The following C19orf44 variants were observed in gnomAD, a reference collection of about 807,000 sequenced individuals.
C19orf44 encodes the protein chromosome 19 open reading frame 44, also known as uncharacterized protein C19orf44.
In C19orf44, 43 loss-of-function variants were observed where a neutral mutation model predicts 50.7. The observed-to-expected ratio is 0.85, with a 90% CI of 0.66 to 1.09. C19orf44 has a LOEUF of 1.09. Among genes scored for constraint, C19orf44 ranks in the 50% least tolerant of loss-of-function variants. The pLI is 0.00. For synonymous variants in C19orf44, 298 were observed against 334.7 expected, an observed-to-expected ratio of 0.89 and a Z score of 1.20; for missense variants, 722 against 836.2, an observed-to-expected ratio of 0.86 and a Z score of 1.68.
chr19:16,521,225 AG>A lies in C19orf44; in HGVS notation c.*1174del. On this transcript the variant is annotated 3_prime_UTR_variant, in exon 9 of 9. Coordinates refer to ENST00000221671, the MANE Select transcript of C19orf44 (RefSeq NM_032207.4). ...GACAGGCCTGCAGCCCAGCACAGGA[AG>A]GAGGGGTGACCACTGGGAAGGGTGG... The A allele has an allele frequency of 1.7e-6, 1 of 571,684 alleles. No individual in the cohort carries two copies. Among genetic ancestry groups the A allele is most frequent in the Non-Finnish European group, 3.1e-6 (1 of 320,126 alleles). The allele number at this position is 571,684 out of a possible 1,614,324, so 35.4% of individuals were successfully genotyped here.
At chr19:16,511,569 ATTATT>A (rs2093457395) in intron 5 of C19orf44, among the ~76,000 whole-genome samples, 2 of 151,774 alleles carry the variant, frequency 1.3e-5, no homozygotes, top group African/African-American at 2.4e-5. Context: ...TTCCCATGTT[ATTATT>A]TTATTTTATA....
chr19:16,521,179 A>G lies in C19orf44; in HGVS notation c.*1126A>G, dbSNP rs1294856948. ...CCCATGGTCTGTGGAACTGGGAAAC[A>G]GGAACACTGACTCATGGGTGGACAG... On this transcript the variant is annotated 3_prime_UTR_variant, in exon 9 of 9. Transcript: ENST00000221671. The G allele has an allele frequency of 2.2e-5, 13 of 582,874 alleles. No homozygotes were observed. Among genetic ancestry groups the G allele is most frequent in the Non-Finnish European group, 3.7e-5 (12 of 325,792 alleles). 36.1% of individuals were successfully genotyped at this position (582,874 alleles called of 1,614,324 possible).
intron 1 of C19orf44, among the ~76,000 whole-genome samples, chr19:16,497,641 G>A (rs1471775710): frequency 1.3e-5 from 2 of 152,104 alleles, no homozygotes; most frequent in African/African-American, 2.4e-5. Context: ...GAGCCACTGC[G>A]CCCGGCTTGG....
At chr19:16,510,443 C>T (rs1008984018) in intron 5 of C19orf44, among the ~76,000 whole-genome samples, 3 of 152,108 alleles carry the variant, frequency 2.0e-5, no homozygotes, top group African/African-American at 7.2e-5. Flanking sequence ...TCACCATTTC[C>T]TCTTCCATGG....
chr19:16,511,730 G>A (rs2093457810), intron 5 of C19orf44, among the ~76,000 whole-genome samples: 1 of 152,002 alleles, frequency 6.6e-6, no homozygotes, highest in African/African-American at 2.4e-5. Context: ...AGAGGCGCCT[G>A]GCTAATAAAC....
intron 6 of C19orf44, among the ~76,000 whole-genome samples, chr19:16,514,169 T>A (rs1380258419): frequency 6.6e-6 from 1 of 151,670 alleles, no homozygotes; most frequent in African/African-American, 2.4e-5. Context: ...TTTTTTTGTT[T>A]TTTTAGTAGA....
chr19:16,504,632 A>G (rs76383510), intron 3 of C19orf44, among the ~76,000 whole-genome samples: 18,869 of 150,182 alleles, frequency 0.13, 1,235 homozygotes, highest in Non-Finnish European at 0.14. Context: ...TGTTTTTTTG[A>G]GATGTTGCCC....
chr19:16,498,697 GTC>G (rs1322694206), intron 1 of C19orf44, among the ~76,000 whole-genome samples: 1 of 151,470 alleles, frequency 6.6e-6, no homozygotes, highest in Non-Finnish European at 1.5e-5. Context: ...TTGAGACGGA[GTC>G]TCTCTCTTTT....
At position 16,500,703 on chromosome 19, in the gene C19orf44, CA is replaced by C. The variant is rs2093422629; in HGVS notation, c.-1-88del. ...AAGACTGTGGCTGGGTTGCAAAAGA[CA>C]GTGTGAGCTTTTGCCAAGTAGGAGC... On this transcript the variant is annotated intron_variant, in intron 1 of 8. Coordinates refer to ENST00000221671, the MANE Select transcript of C19orf44 (RefSeq NM_032207.4). 5 of 1,305,752 alleles carry C rather than the reference CA, an allele frequency of 3.8e-6. No homozygotes were observed. In the Admixed American group the frequency reaches 1.2e-4, roughly 31 times the overall value. The allele number at this position is 1,305,752 out of a possible 1,614,324, so 80.9% of individuals were successfully genotyped here.
intron 8 of C19orf44, chr19:16,518,508 G>A (rs1273805993): frequency 6.6e-6 from 1 of 152,198 alleles, no homozygotes; most frequent in African/African-American, 2.4e-5. Context: ...GTACGCCTTC[G>A]AAGAATTAGG....
rs2122237786 is a variant in C19orf44, at chr19:16,519,538, C to T, written c.*41-556C>T. 1 of 1,360,810 alleles carries T rather than the reference C, an allele frequency of 7.3e-7. No individual in the cohort carries two copies. Among genetic ancestry groups the T allele is most frequent in the Non-Finnish European group, 1.0e-6 (1 of 953,554 alleles). 84.3% of individuals were successfully genotyped at this position (1,360,810 alleles called of 1,614,324 possible). A position where few individuals can be genotyped will look rare whatever the true frequency, so the allele number is the denominator to read the frequency against. On this transcript the variant is annotated intron_variant, in intron 8 of 8. Coordinates refer to ENST00000221671, the MANE Select transcript of C19orf44 (RefSeq NM_032207.4). This position sits in a 1 kb window ranked among gnomAD's most constrained non-coding sequence, Gnocchi z 6.0. ...CTGACTCCATCCATCCCCACATGCACTGAGGAAGAGAAAGCGCTGGTGACT... is the reference window on the plus strand; with the variant it reads ...CTGACTCCATCCATCCCCACATGCATTGAGGAAGAGAAAGCGCTGGTGACT...
Position 16,503,279 on chromosome 19 carries a change from CTT to C in C19orf44, c.976_977del (p.Leu326LysfsTer15), listed in dbSNP as rs756739412. 2.6e-5 allele frequency: 42 copies of C among 1,614,162 alleles called. No individual in the cohort carries two copies. The East Asian group carries it at 9.1e-4, about 35-fold the overall frequency. On this transcript the variant is annotated frameshift_variant, in exon 3 of 9. Transcript: ENST00000221671. LOFTEE classifies it high-confidence loss of function. The stretch of plus-strand genomic sequence containing the variant: ...ACAGGCGCCTTTTCAAACTCAGTGT[CTT>C]TAAAGATGGGGCATGTCAAGCTTGT...
At chr19:16,516,375 G>A (rs2093471858) in intron 7 of C19orf44, among the ~76,000 whole-genome samples, 1 of 152,128 alleles carries the variant, frequency 6.6e-6, no homozygotes, top group African/African-American at 2.4e-5. Context: ...AGCTGGGGAG[G>A]TTGAGGCTGT....
chr19:16,512,613 A>C (rs2093460751), intron 5 of C19orf44, among the ~76,000 whole-genome samples: 1 of 151,986 alleles, frequency 6.6e-6, no homozygotes. Flanking sequence ...GGTGGCTTAC[A>C]CCTCAGCACT....
At chr19:16,499,300 T>C (rs1314244857) in intron 1 of C19orf44, among the ~76,000 whole-genome samples, 1 of 152,076 alleles carries the variant, frequency 6.6e-6, no homozygotes, top group Non-Finnish European at 1.5e-5. Context: ...TTTTTCTTTT[T>C]TTTTGAGACG....
intron 5 of C19orf44, chr19:16,510,265 G>C: frequency 7.4e-6 from 3 of 405,470 alleles, no homozygotes; most frequent in Non-Finnish European, 1.4e-5. Flanking sequence ...AAATTAGCTG[G>C]CTGTGGTGGT....
Position 16,520,402 on chromosome 19 carries a change from C to CGACCTT in C19orf44, c.*358_*363dup, listed in dbSNP as rs2085600389. On this transcript the variant is annotated 3_prime_UTR_variant, in exon 9 of 9. Coordinates refer to ENST00000221671, the MANE Select transcript of C19orf44 (RefSeq NM_032207.4). The surrounding 1 kb of genome is among the most constrained non-coding windows in gnomAD (Gnocchi z 4.0). ...GGGAGTAGGAACGGGAGCAGGAGCG[C>CGACCTT]GACCTTGACCTTGAGTACGAGCCTG... is the stretch of plus-strand genomic sequence containing the variant. 2.5e-6 allele frequency: 4 copies of CGACCTT among 1,613,916 alleles called. No homozygotes were observed. Among genetic ancestry groups the CGACCTT allele is most frequent in the East Asian group, 2.2e-5 (1 of 44,888 alleles).
intron 1 of C19orf44, among the ~76,000 whole-genome samples, chr19:16,500,163 A>G (rs1020091325): frequency 2.0e-5 from 3 of 152,070 alleles, no homozygotes; most frequent in African/African-American, 4.8e-5. Flanking sequence ...CCCTGGGCTC[A>G]GGTGATCTGC....
chr19:16,500,809 A>C lies in C19orf44; in HGVS notation c.17A>C (p.Lys6Thr). The C allele has an allele frequency of 6.3e-7, 1 of 1,576,878 alleles. No homozygotes were observed. The highest frequency in any genetic ancestry group is 1.2e-5 in the South Asian group (1 of 85,660). Residue 6 changes from lysine to threonine, a missense_variant, in exon 2 of 9, where the codon AAA becomes ACA. Physicochemically the swap from Lys to Thr is moderately conservative, Grantham distance 78. Coordinates refer to ENST00000221671, the MANE Select transcript of C19orf44 (RefSeq NM_032207.4). ...CTCCACAGAATGGCTTCTGCAAGGA[A>C]AGCCAGCCGTCCCATGCGTGATGTT... MASAR[K>T]ASRPMRDVFG...
Sources: allele counts gnomAD v4.1 joint callset (sites outside exome capture counted in the v4.1 genomes callset), GRCh38; gene constraint gnomAD v4.1.1; non-coding constraint Gnocchi (gnomAD v3.1); transcripts MANE v1.5; gene names NCBI Gene and HGNC (gene_info 2026-07-23, HGNC 2026-07-21).